The following TXNRD1 variants were observed in gnomAD, a reference collection of about 807,000 sequenced individuals.
The protein encoded by TXNRD1 is thioredoxin reductase 1, cytoplasmic.
In TXNRD1, 57 loss-of-function variants were observed where a neutral mutation model predicts 80.3. The ratio of observed to expected loss-of-function variants is 0.71; its 90% CI spans 0.57 to 0.89. The LOEUF (loss-of-function observed/expected upper bound fraction) is 0.89. TXNRD1 is among the 40% of genes least tolerant of loss of function. TXNRD1 has a pLI of 0.00. For synonymous variants in TXNRD1, 291 were observed against 285.2 expected (o/e 1.02, Z -0.20); for missense variants, 730 against 803.0 (o/e 0.91, Z 1.10).
intron 16 of TXNRD1, among the ~76,000 whole-genome samples, chr12:104,340,485 AC>A (rs1266719763): frequency 5.3e-5 from 8 of 152,086 alleles, no homozygotes; most frequent in African/African-American, 1.4e-4. Flanking sequence ...AAAAGTCCAA[AC>A]TCAAGATGTC....
At chr12:104,241,448 G>A (rs1203420300) in intron 1 of TXNRD1, among the ~76,000 whole-genome samples, 1 of 151,904 alleles carries the variant, frequency 6.6e-6, no homozygotes, top group Non-Finnish European at 1.5e-5. Context: ...TCGGCTCACC[G>A]CAAACTTCGC....
chr12:104,281,770 A>G (rs2033885417), intron 3 of TXNRD1, among the ~76,000 whole-genome samples: 1 of 151,964 alleles, frequency 6.6e-6, no homozygotes, highest in East Asian at 1.9e-4. Context: ...CAATTATTTT[A>G]TCATACAACA....
intron 2 of TXNRD1, 55 bp from the exon 3 acceptor site, chr12:104,257,964 T>A (rs2033292197): frequency 2.2e-6 from 3 of 1,344,976 alleles, no homozygotes; most frequent in Non-Finnish European, 3.1e-6. Context: ...AGAGATTCTC[T>A]TGTTGGTTAT....
At chr12:104,319,128 T>A in intron 8 of TXNRD1, 73 bp downstream of exon 8, 2 of 1,503,044 alleles carry the variant, frequency 1.3e-6, no homozygotes, top group South Asian at 1.3e-5. Flanking sequence ...TTAGAAAATG[T>A]TAAAGTATTA....
chr12:104,277,176 G>A (rs2033773170), intron 3 of TXNRD1, among the ~76,000 whole-genome samples: 1 of 150,866 alleles, frequency 6.6e-6, no homozygotes, highest in South Asian at 2.1e-4. Flanking sequence ...TGGATCACAA[G>A]ATCGGGAGAT....
intron 16 of TXNRD1, among the ~76,000 whole-genome samples, chr12:104,341,923 T>C (rs2036338318): frequency 6.6e-6 from 1 of 152,178 alleles, no homozygotes; most frequent in African/African-American, 2.4e-5. Context: ...ACTTTACTTA[T>C]ATTTACTTGT....
intron 1 of TXNRD1, among the ~76,000 whole-genome samples, chr12:104,234,476 G>A (rs2032690704): frequency 6.6e-6 from 1 of 151,850 alleles, no homozygotes; most frequent in African/African-American, 2.4e-5. Context: ...TGTATTATTG[G>A]TGGAGAAGGG....
intron 16 of TXNRD1, 92 bp downstream of exon 16, chr12:104,339,365 T>G: frequency 6.5e-7 from 1 of 1,532,304 alleles, no homozygotes. Flanking sequence ...TGTAGGACCC[T>G]GAGTTTGATG....
intron 8 of TXNRD1, 34 bp downstream of exon 8, chr12:104,319,089 TTTC>T (rs2035434284): frequency 5.1e-6 from 8 of 1,568,698 alleles, no homozygotes; most frequent in Non-Finnish European, 6.9e-6. Flanking sequence ...GCTTTTTTTT[TTTC>T]TTTTTTCTCT....
chr12:104,278,597 G>A (rs1424972101), intron 3 of TXNRD1, among the ~76,000 whole-genome samples: 2 of 150,802 alleles, frequency 1.3e-5, no homozygotes, highest in African/African-American at 4.9e-5. Flanking sequence ...CACCTCCCGG[G>A]TTCAAGCAGT....
At chr12:104,250,802 T>G (rs927840117) in intron 1 of TXNRD1, among the ~76,000 whole-genome samples, 5 of 152,060 alleles carry the variant, frequency 3.3e-5, no homozygotes, top group African/African-American at 1.2e-4. Context: ...TGAACTTGGT[T>G]TATTCATGGG....
chr12:104,327,773 A>G (rs2035815791), intron 13 of TXNRD1, 102 bp downstream of exon 13: 1 of 1,338,602 alleles, frequency 7.5e-7, no homozygotes, highest in South Asian at 1.5e-5. Flanking sequence ...TGAATAATTT[A>G]GTTATTTTGG....
At chr12:104,238,778 G>A (rs1199178481) in intron 1 of TXNRD1, among the ~76,000 whole-genome samples, 1 of 151,994 alleles carries the variant, frequency 6.6e-6, no homozygotes, top group Non-Finnish European at 1.5e-5. Context: ...TATATTGCTG[G>A]ATTTGGTTTG....
rs2036566567 is a variant in TXNRD1, at chr12:104,348,624, A to G, written c.*203A>G. On this transcript the variant is annotated 3_prime_UTR_variant, in exon 17 of 17. Coordinates refer to ENST00000525566, the MANE Select transcript of TXNRD1 (RefSeq NM_001093771.3). ...AGCATCACACTGGGGTCACTGACAG[A>G]CTTGAAGCTGACATTTGGCAGGGCA... 2 of 555,182 alleles carry G rather than the reference A, an allele frequency of 3.6e-6. No individual in the cohort carries two copies. The highest frequency in any genetic ancestry group is 6.8e-5 in the Admixed American group (2 of 29,406). The allele number at this position is 555,182 out of a possible 1,614,324, so 34.4% of individuals were successfully genotyped here. A position where few individuals can be genotyped will look rare whatever the true frequency, so the allele number is the denominator to read the frequency against.
intron 1 of TXNRD1, among the ~76,000 whole-genome samples, chr12:104,238,851 TTTTC>T (rs2032796239): frequency 6.9e-6 from 1 of 143,934 alleles, no homozygotes; most frequent in Non-Finnish European, 1.5e-5. Context: ...TGTGGTTTTC[TTTTC>T]TTTTTTTTTG....
At chr12:104,275,802 A>G (rs775980988) in intron 3 of TXNRD1, among the ~76,000 whole-genome samples, 12 of 152,228 alleles carry the variant, frequency 7.9e-5, no homozygotes, top group Admixed American at 6.5e-4. Flanking sequence ...ATGGATTTAT[A>G]CCATGCATGA....
chr12:104,347,954 G>T (rs1486892525), intron 16 of TXNRD1, among the ~76,000 whole-genome samples: 1 of 152,186 alleles, frequency 6.6e-6, no homozygotes, highest in Admixed American at 6.5e-5. Flanking sequence ...GACCAACTCG[G>T]TGGAGGGAAA....
intron 3 of TXNRD1, chr12:104,280,851 A>G (rs2033861803): frequency 6.6e-6 from 1 of 151,884 alleles, no homozygotes; most frequent in African/African-American, 2.4e-5. Context: ...AGCCCTCACA[A>G]CTGTGTGAGT....
At chr12:104,242,479 T>G (rs1436871140) in intron 1 of TXNRD1, among the ~76,000 whole-genome samples, 1 of 150,760 alleles carries the variant, frequency 6.6e-6, no homozygotes, top group African/African-American at 2.4e-5. Context: ...ACCTGGGAGG[T>G]GGAGGTTGCA....
Sources: allele counts gnomAD v4.1 joint callset (sites outside exome capture counted in the v4.1 genomes callset), GRCh38; gene constraint gnomAD v4.1.1; transcripts MANE v1.5; gene names NCBI Gene and HGNC (gene_info 2026-07-23, HGNC 2026-07-21).